The following THSD7A variants were observed in gnomAD, a reference collection of about 807,000 sequenced individuals.
THSD7A encodes thrombospondin type 1 domain containing 7A.
In THSD7A, 96 loss-of-function variants were observed where a neutral mutation model predicts 231.3. The ratio of observed to expected loss-of-function variants is 0.41; its 90% CI spans 0.35 to 0.49. The LOEUF is 0.49. THSD7A is among the 20% of genes least tolerant of loss of function. The pLI is 0.05. For missense variants in THSD7A, 2,290 were observed against 2,070.2 expected (o/e 1.11, Z -2.06); for synonymous variants, 940 against 743.3 (o/e 1.26, Z -4.30).
chr7:11,455,088 C>T (rs1280841847), intron 11 of THSD7A, among the ~76,000 whole-genome samples: 1 of 151,870 alleles, frequency 6.6e-6, no homozygotes, highest in Non-Finnish European at 1.5e-5. Context: ...AGTGCACTTT[C>T]TCTCTCTGTC....
At position 11,702,331 on chromosome 7, in the gene THSD7A, T is replaced by C. The variant is rs1352381663; in HGVS notation, c.191-65370A>G. Among the ~76,000 whole-genome samples, 30 of 151,192 alleles carry C rather than the reference T, an allele frequency of 2.0e-4. 2 individuals are homozygous for C. Among genetic ancestry groups the C allele is most frequent in the Admixed American group, 2.0e-3 (30 of 15,146 alleles). ...AAATCCACGACCAAGCTCATTCAAA[T>C]TGTCGACAGCATCAAGGTCCTTGTT... On this transcript the variant is annotated intron_variant, in intron 1 of 27. Coordinates refer to ENST00000423059, the MANE Select transcript of THSD7A (RefSeq NM_015204.3).
intron 13 of THSD7A, among the ~76,000 whole-genome samples, chr7:11,430,258 C>T (rs978437854): frequency 2.6e-5 from 4 of 152,122 alleles, no homozygotes; most frequent in Admixed American, 6.6e-5. Context: ...TTTTGGTTTT[C>T]AGTATGTTTG....
intron 1 of THSD7A, among the ~76,000 whole-genome samples, chr7:11,734,415 C>G (rs920324577): frequency 6.6e-6 from 1 of 151,900 alleles, no homozygotes; most frequent in African/African-American, 2.4e-5. Context: ...AATTTAAAGG[C>G]TTTTCATCCT....
At chr7:11,774,420 T>C (rs116161265) in intron 1 of THSD7A, among the ~76,000 whole-genome samples, 3,945 of 152,026 alleles carry the variant, frequency 0.026, 179 homozygotes, top group African/African-American at 0.09. Context: ...ATACTGCCCA[T>C]AGTTAACAAT....
At chr7:11,613,750 G>A (rs1781013612) in intron 2 of THSD7A, among the ~76,000 whole-genome samples, 1 of 152,132 alleles carries the variant, frequency 6.6e-6, no homozygotes, top group South Asian at 2.1e-4. Flanking sequence ...ACAATTCTAC[G>A]ATCAGCAGTA....
chr7:11,707,912 T>C (rs1780823965), intron 1 of THSD7A, among the ~76,000 whole-genome samples: 1 of 150,918 alleles, frequency 6.6e-6, no homozygotes, highest in Non-Finnish European at 1.5e-5. Flanking sequence ...CTGTCAAAAG[T>C]TTGAATATGC....
intron 1 of THSD7A, among the ~76,000 whole-genome samples, chr7:11,667,074 GT>G (rs1783164055): frequency 6.6e-6 from 1 of 151,940 alleles, no homozygotes; most frequent in Admixed American, 6.6e-5. Flanking sequence ...TATTTCAATA[GT>G]TTTGGGGGTA....
chr7:11,829,307 T>C (rs1025862864), intron 1 of THSD7A, among the ~76,000 whole-genome samples: 2 of 151,888 alleles, frequency 1.3e-5, no homozygotes, highest in Non-Finnish European at 2.9e-5. Flanking sequence ...ATTTATAATA[T>C]ATGTATCTGA....
intron 1 of THSD7A, among the ~76,000 whole-genome samples, chr7:11,674,081 C>A (rs754246864): frequency 2.6e-5 from 4 of 151,896 alleles, no homozygotes; most frequent in Non-Finnish European, 5.9e-5. Flanking sequence ...TCAGGAGTTG[C>A]AGGTTCCCTG....
rs1002090312 is a variant in THSD7A, at chr7:11,593,564, A to G, written c.1023-62T>C. 1.9e-6 allele frequency: 3 copies of G among 1,571,462 alleles called. No homozygotes were observed. The African/African-American group carries it at 4.1e-5, about 21-fold the overall frequency. On this transcript the variant is annotated intron_variant, in intron 2 of 27. Transcript: ENST00000423059. ...CAGGCAGTTATGAACTTTGTCTTCT[A>G]CGCTCAAGAGTGAATCAGCTTGGGC...
chr7:11,414,248 G>A (rs1418965774), intron 17 of THSD7A, among the ~76,000 whole-genome samples: 2 of 152,228 alleles, frequency 1.3e-5, no homozygotes, highest in African/African-American at 4.8e-5. Flanking sequence ...AGGATGTACA[G>A]TAAGGGTTTC....
chr7:11,606,840 T>C (rs943918179), intron 2 of THSD7A, among the ~76,000 whole-genome samples: 6 of 152,030 alleles, frequency 3.9e-5, no homozygotes, highest in Non-Finnish European at 7.4e-5. Context: ...CACAGATTTA[T>C]TTAATTAGAT....
intron 1 of THSD7A, among the ~76,000 whole-genome samples, chr7:11,638,225 T>C (rs1400993167): frequency 6.6e-6 from 1 of 152,224 alleles, no homozygotes; most frequent in Non-Finnish European, 1.5e-5. Context: ...AGTAGGTCAA[T>C]GGATTCGCTC....
At chr7:11,587,021 T>C (rs1450421013) in intron 4 of THSD7A, among the ~76,000 whole-genome samples, 1 of 152,190 alleles carries the variant, frequency 6.6e-6, no homozygotes, top group African/African-American at 2.4e-5. Context: ...CTTAATGTTG[T>C]CTTATAACCA....
At chr7:11,604,137 T>G (rs1184577672) in intron 2 of THSD7A, among the ~76,000 whole-genome samples, 1 of 152,168 alleles carries the variant, frequency 6.6e-6, no homozygotes. Flanking sequence ...CTAATGTTTA[T>G]GTATATAAAA....
Position 11,417,379 on chromosome 7 carries a change from T to C in THSD7A, c.3537+71A>G. On this transcript the variant is annotated intron_variant, in intron 17 of 27. Transcript: ENST00000423059. ...CATTGAAGTTATTATATTCAAAAAA[T>C]AATGTCTTTAAAGCTTCAGTGGCAA... 5.1e-6 allele frequency: 7 copies of C among 1,367,684 alleles called. No individual in the cohort carries two copies. In the South Asian group the frequency reaches 1.1e-4, roughly 21 times the overall value. 84.7% of individuals were successfully genotyped at this position (1,367,684 alleles called of 1,614,324 possible). A position where few individuals can be genotyped will look rare whatever the true frequency, so the allele number is the denominator to read the frequency against.
At chr7:11,720,785 T>G (rs1449331136) in intron 1 of THSD7A, among the ~76,000 whole-genome samples, 1 of 151,708 alleles carries the variant, frequency 6.6e-6, no homozygotes, top group Non-Finnish European at 1.5e-5. Flanking sequence ...GTGTTAGACA[T>G]CTTCACAACT....
At chr7:11,447,206 C>T in intron 12 of THSD7A, 24 bp downstream of exon 12, 3 of 1,610,926 alleles carry the variant, frequency 1.9e-6, no homozygotes, top group African/African-American at 1.3e-5. Context: ...CGTGTACTGG[C>T]TTTGGCATCC....
Position 11,636,966 on chromosome 7 carries a change from A to G in THSD7A, c.191-5T>C. Reference sequence around the variant, plus strand: ...CCATACATCGGCCCCATGGACCTACAAAAATTATAACACAAAAATTAGCAG... The same window carrying G: ...CCATACATCGGCCCCATGGACCTACGAAAATTATAACACAAAAATTAGCAG... On this transcript the variant is annotated splice_polypyrimidine_tract_variant and splice_region_variant and intron_variant, in intron 1 of 27. Transcript: ENST00000423059. This position sits in a 1 kb window ranked among gnomAD's most constrained non-coding sequence, Gnocchi z 10.0. 6.3e-7 allele frequency: 1 copy of G among 1,592,672 alleles called. No individual in the cohort carries two copies. The highest frequency in any genetic ancestry group is 8.5e-7 in the Non-Finnish European group (1 of 1,171,690).
Sources: gnomAD v4.1 joint callset for allele counts (sites outside exome capture counted in the v4.1 genomes callset) on GRCh38, gnomAD v4.1.1 for gene constraint, Gnocchi (gnomAD v3.1) non-coding constraint, MANE v1.5 for transcripts, NCBI Gene and HGNC (gene_info 2026-07-23, HGNC 2026-07-21) for gene names.